The following NRXN1 variants were observed in gnomAD, a reference collection of about 807,000 sequenced individuals.
NRXN1 encodes neurexin 1.
NRXN1 carries 39 observed loss-of-function variants against 150.9 expected under a neutral mutation model. That is an observed-to-expected ratio of 0.26 (90% CI 0.20 to 0.34). NRXN1 has a LOEUF of 0.34. Among genes scored for constraint, NRXN1 ranks in the 10% least tolerant of loss-of-function variants. The pLI, the probability that NRXN1 is intolerant of heterozygous loss-of-function variation, is 1.00. For synonymous variants in NRXN1, 924 were observed against 757.0 expected, an observed-to-expected ratio of 1.22 and a Z score of -3.62; for missense variants, 1,815 against 1,949.9, an observed-to-expected ratio of 0.93 and a Z score of 1.30.
chr2:50,115,917 T>G (rs1454828827), intron 18 of NRXN1, among the ~76,000 whole-genome samples: 3 of 152,140 alleles, frequency 2.0e-5, no homozygotes, highest in Non-Finnish European at 4.4e-5. Flanking sequence ...GGAGAAGTAA[T>G]TTTTCATAGG....
At chr2:49,931,269 A>G (rs1670081934) in intron 22 of NRXN1, among the ~76,000 whole-genome samples, 2 of 152,156 alleles carry the variant, frequency 1.3e-5, no homozygotes, top group African/African-American at 4.8e-5. Flanking sequence ...GATAAATGTA[A>G]TATTTACTTC....
rs138723204 is a variant in NRXN1, at chr2:50,933,871, T to C, written c.773-7916A>G. 2.7e-3 allele frequency among the ~76,000 whole-genome samples: 413 copies of C among 152,272 alleles called. 2 individuals carry two copies. Among genetic ancestry groups the C allele is most frequent in the Middle Eastern group, 0.014 (4 of 294 alleles). ...ATAGCTTCTTAAAATATTAATTCCA[T>C]AATTCAGAGAAGTTCACTTTACTTT... is the stretch of plus-strand genomic sequence containing the variant. On this transcript the variant is annotated intron_variant, in intron 2 of 22. Coordinates refer to ENST00000401669, the MANE Select transcript of NRXN1 (RefSeq NM_001330078.2).
At position 50,347,141 on chromosome 2, in the gene NRXN1, C is replaced by T. The variant is rs1014058021; in HGVS notation, c.3365-110171G>A. On this transcript the variant is annotated intron_variant, in intron 17 of 22. Coordinates refer to ENST00000401669, the MANE Select transcript of NRXN1 (RefSeq NM_001330078.2). This position sits in a 1 kb window ranked among gnomAD's most constrained non-coding sequence, Gnocchi z 4.9. ...CTGGAGTCCGCCGTGCCTAGCACCC[C>T]AAACAATCCGAAACATAGCCGAGGC... 7.2e-7 allele frequency: 1 copy of T among 1,382,162 alleles called. No individual in the cohort carries two copies. Among genetic ancestry groups the T allele is most frequent in the African/African-American group, 1.5e-5 (1 of 68,174 alleles). 85.6% of individuals were successfully genotyped at this position (1,382,162 alleles called of 1,614,324 possible).
chr2:49,994,376 G>A (rs1205060487), intron 21 of NRXN1, among the ~76,000 whole-genome samples: 1 of 152,180 alleles, frequency 6.6e-6, no homozygotes, highest in Admixed American at 6.5e-5. Context: ...GACGAATCCA[G>A]TCTGTTTTAG....
intron 5 of NRXN1, among the ~76,000 whole-genome samples, chr2:50,709,392 C>T (rs962992178): frequency 4.6e-5 from 7 of 152,048 alleles, no homozygotes; most frequent in African/African-American, 1.7e-4. Context: ...TAGAAATACA[C>T]AGTGTTATGA....
intron 17 of NRXN1, among the ~76,000 whole-genome samples, chr2:50,255,879 T>C (rs2067651741): frequency 6.6e-6 from 1 of 152,168 alleles, no homozygotes; most frequent in Admixed American, 6.6e-5. Flanking sequence ...TTAAGAGTGA[T>C]TCCTTTTGCT....
At chr2:50,774,846 A>T (rs573152532) in intron 5 of NRXN1, among the ~76,000 whole-genome samples, 2 of 152,242 alleles carry the variant, frequency 1.3e-5, no homozygotes, top group East Asian at 3.9e-4. Flanking sequence ...ATTATACCAC[A>T]TATACATTTC....
At chr2:49,926,040 G>A (rs1669056131) in intron 22 of NRXN1, among the ~76,000 whole-genome samples, 1 of 152,188 alleles carries the variant, frequency 6.6e-6, no homozygotes, top group Non-Finnish European at 1.5e-5. Context: ...GACTGACAGT[G>A]GTCTACTACA....
chr2:50,872,787 T>C (rs1472329868), intron 5 of NRXN1, among the ~76,000 whole-genome samples: 1 of 151,544 alleles, frequency 6.6e-6, no homozygotes, highest in East Asian at 2.0e-4. Flanking sequence ...ATCTTGTCTC[T>C]ACAAAAGAAT....
At chr2:50,808,261 G>A (rs945970333) in intron 5 of NRXN1, among the ~76,000 whole-genome samples, 4 of 151,990 alleles carry the variant, frequency 2.6e-5, no homozygotes, top group African/African-American at 9.7e-5. Flanking sequence ...GGATAAAGAA[G>A]CAATGAAAAA....
chr2:50,314,716 A>T (rs887657703), intron 17 of NRXN1, among the ~76,000 whole-genome samples: 1 of 152,056 alleles, frequency 6.6e-6, no homozygotes, highest in Non-Finnish European at 1.5e-5. Flanking sequence ...AATTTAAGAG[A>T]GTAAGAATAA....
In NRXN1 at chr2:50,236,986, C is replaced by T; in HGVS notation, c.3365-16G>A. Reference sequence around the variant, plus strand: ...GTCGTCCCAGCTGGAAAACAAAAACCAAAACCAATTAGTCCAAATACATCA... The same window carrying T: ...GTCGTCCCAGCTGGAAAACAAAAACTAAAACCAATTAGTCCAAATACATCA... On this transcript the variant is annotated splice_polypyrimidine_tract_variant and intron_variant, in intron 17 of 22. Transcript: ENST00000401669. The T allele has an allele frequency of 6.2e-7, 1 of 1,612,494 alleles. No individual in the cohort carries two copies.
At chr2:50,726,733 T>A (rs907554002) in intron 5 of NRXN1, among the ~76,000 whole-genome samples, 1 of 152,162 alleles carries the variant, frequency 6.6e-6, no homozygotes. Flanking sequence ...CTTCCCTCCA[T>A]TAGTAAACAC....
chr2:50,118,800 C>CA (rs1703439427), intron 18 of NRXN1, among the ~76,000 whole-genome samples: 1 of 152,140 alleles, frequency 6.6e-6, no homozygotes, highest in African/African-American at 2.4e-5. Context: ...TGGACAGTGA[C>CA]ATAGTCTAGG....
At chr2:50,284,942 A>G (rs994372723) in intron 17 of NRXN1, among the ~76,000 whole-genome samples, 1 of 152,206 alleles carries the variant, frequency 6.6e-6, no homozygotes, top group Non-Finnish European at 1.5e-5. Flanking sequence ...GGTCACAAAA[A>G]CATCACCAAA....
intron 15 of NRXN1, among the ~76,000 whole-genome samples, chr2:50,488,380 A>T (rs2091024558): frequency 6.6e-6 from 1 of 152,200 alleles, no homozygotes; most frequent in Admixed American, 6.5e-5. Context: ...GTTTGAGTTG[A>T]TCAGGGGTGA....
At chr2:50,262,046 T>A (rs2068344263) in intron 17 of NRXN1, among the ~76,000 whole-genome samples, 1 of 151,944 alleles carries the variant, frequency 6.6e-6, no homozygotes. Context: ...TGAACTTGAT[T>A]CCAGAGTACA....
At position 51,027,744 on chromosome 2, in the gene NRXN1, C is replaced by G; in HGVS notation, c.530G>C (p.Arg177Pro). The G allele has an allele frequency of 6.2e-7, 1 of 1,611,742 alleles. No individual in the cohort carries two copies. The highest frequency in any genetic ancestry group is 8.5e-7 in the Non-Finnish European group (1 of 1,179,034). Residue 177 changes from arginine to proline, a missense_variant, in exon 2 of 23, where the codon CGG becomes CCG. Arg to Pro is a moderately radical substitution (Grantham distance 103). Coordinates refer to ENST00000401669, the MANE Select transcript of NRXN1 (RefSeq NM_001330078.2). ...LKLTLASVREREPFKGWIRDV... is the reference protein window; with the variant it reads ...LKLTLASVREPEPFKGWIRDV... ...ACGAATCCACCCCTTGAAGGGCTCCCGCTCCCTCACCGAGGCCAGGGTGAG... is the reference window on the plus strand; with the variant it reads ...ACGAATCCACCCCTTGAAGGGCTCCGGCTCCCTCACCGAGGCCAGGGTGAG...
intron 17 of NRXN1, among the ~76,000 whole-genome samples, chr2:50,403,613 T>A (rs1200967908): frequency 1.3e-5 from 2 of 152,112 alleles, no homozygotes; most frequent in African/African-American, 4.8e-5. Context: ...ATAATTAATT[T>A]TTATGAGCCT....
Sources: gnomAD v4.1 joint callset for allele counts (sites outside exome capture counted in the v4.1 genomes callset) on GRCh38, gnomAD v4.1.1 for gene constraint, Gnocchi (gnomAD v3.1) non-coding constraint, MANE v1.5 for transcripts, NCBI Gene and HGNC (gene_info 2026-07-23, HGNC 2026-07-21) for gene names.